MMP16: variants seen among roughly 807,000 people sequenced by gnomAD.
The protein encoded by MMP16 is matrix metalloproteinase-16.
In MMP16, 12 loss-of-function variants were observed where a neutral mutation model predicts 67.8. That is an observed-to-expected ratio of 0.18 (90% CI 0.11 to 0.29). The LOEUF (loss-of-function observed/expected upper bound fraction) is 0.29, where lower values mean the gene tolerates loss of function less well. Ranked by LOEUF, MMP16 falls within the 10% of genes least tolerant of loss-of-function variation. The pLI is 1.00. For missense variants in MMP16, 475 were observed against 765.7 expected (o/e 0.62, Z 4.48); for synonymous variants, 249 against 255.9 (o/e 0.97, Z 0.26).
At chr8:88,219,979 T>C (rs1809652520) in intron 1 of MMP16, among the ~76,000 whole-genome samples, 1 of 152,162 alleles carries the variant, frequency 6.6e-6, no homozygotes, top group Admixed American at 6.6e-5. Context: ...AATATATTTA[T>C]ACCGCCTTTA....
intron 4 of MMP16, among the ~76,000 whole-genome samples, chr8:88,122,181 T>C (rs1012270797): frequency 6.6e-6 from 1 of 152,088 alleles, no homozygotes; most frequent in Admixed American, 6.6e-5. Context: ...TTTCAATGAA[T>C]TACAGTTTCC....
chr8:88,166,513 G>GC (rs1213813455), intron 4 of MMP16, among the ~76,000 whole-genome samples: 1 of 150,850 alleles, frequency 6.6e-6, no homozygotes, highest in African/African-American at 2.4e-5. Context: ...CATAATTTTT[G>GC]CATATCAGAA....
intron 1 of MMP16, among the ~76,000 whole-genome samples, chr8:88,250,218 C>T (rs776817745): frequency 1.1e-4 from 16 of 151,962 alleles, no homozygotes; most frequent in Non-Finnish European, 2.4e-4. Flanking sequence ...TTTGCATGAT[C>T]CAGCCACCAG....
In MMP16 at chr8:88,074,712, C is replaced by T; in HGVS notation, c.1115G>A (p.Arg372Lys). The change falls in exon 7 of 10, where the codon AGG becomes AAG. Residue 372 changes from arginine (R) to lysine (K), a missense_variant. By Grantham distance (26) the Arg-to-Lys change is conservative. Coordinates refer to ENST00000286614, the MANE Select transcript of MMP16 (RefSeq NM_005941.5). The part of the protein sequence containing the change: ...DQWFWRVRNN[R>K]VMDGYPMQIT... ...TTGCATTGGGTATCCATCCATCACC[C>T]TGTTGTTTCTCACTCGCCAAAACCA... 6.2e-7 allele frequency: 1 copy of T among 1,613,196 alleles called. No homozygotes were observed. Among genetic ancestry groups the T allele is most frequent in the South Asian group, 1.1e-5 (1 of 91,006 alleles).
intron 7 of MMP16, among the ~76,000 whole-genome samples, chr8:88,061,127 T>TACACACACACACACAC (rs149547108): frequency 2.8e-5 from 4 of 143,068 alleles, no homozygotes; most frequent in African/African-American, 1.0e-4. Context: ...CTGAATATTA[T>TACACACACACACACAC]ACACACACAC....
At chr8:88,262,694 T>C (rs1319295494) in intron 1 of MMP16, among the ~76,000 whole-genome samples, 1 of 151,886 alleles carries the variant, frequency 6.6e-6, no homozygotes, top group Non-Finnish European at 1.5e-5. Context: ...TTGGCAATTT[T>C]GGAGTAAGTT....
chr8:88,153,652 T>A (rs1808452279), intron 4 of MMP16, among the ~76,000 whole-genome samples: 1 of 150,668 alleles, frequency 6.6e-6, no homozygotes, highest in African/African-American at 2.4e-5. Context: ...CTGGGAAAAC[T>A]GGCTAGCCAT....
At chr8:88,312,807 A>T (rs1811315572) in intron 1 of MMP16, among the ~76,000 whole-genome samples, 2 of 152,038 alleles carry the variant, frequency 1.3e-5, no homozygotes, top group Non-Finnish European at 2.9e-5. Flanking sequence ...CATCTCTACT[A>T]AGAATACAAA....
At chr8:88,232,949 T>A (rs776257781) in intron 1 of MMP16, among the ~76,000 whole-genome samples, 14 of 152,138 alleles carry the variant, frequency 9.2e-5, no homozygotes, top group Non-Finnish European at 2.1e-4. Context: ...CACAGTGTAG[T>A]GGATGAGAAG....
chr8:88,118,663 C>CT (rs1480454787), intron 5 of MMP16, 37 bp downstream of exon 5: 7 of 1,582,016 alleles, frequency 4.4e-6, no homozygotes, highest in African/African-American at 1.3e-5. Flanking sequence ...CTGGACTTCA[C>CT]TATCGGATTA....
In MMP16 at chr8:88,318,572, C is replaced by T. The variant is rs118148092; in HGVS notation, c.132+8503G>A. 4.6e-5 allele frequency among the ~76,000 whole-genome samples: 7 copies of T among 152,202 alleles called. No individual in the cohort carries two copies. The East Asian group carries it at 1.4e-3, about 29-fold the overall frequency. ...AAGTTAATTCTCACCTGTATTTATTCGTTTGGAAGCCTGGGTACGACAGTC... is the reference window on the plus strand; with the variant it reads ...AAGTTAATTCTCACCTGTATTTATTTGTTTGGAAGCCTGGGTACGACAGTC... On this transcript the variant is annotated intron_variant, in intron 1 of 9. Coordinates refer to ENST00000286614, the MANE Select transcript of MMP16 (RefSeq NM_005941.5).
intron 3 of MMP16, among the ~76,000 whole-genome samples, chr8:88,170,917 A>G (rs748474992): frequency 6.6e-6 from 1 of 152,210 alleles, no homozygotes; most frequent in Non-Finnish European, 1.5e-5. Context: ...GATAGAGACT[A>G]GGACTTGTGT....
In MMP16 at chr8:88,034,862, G is replaced by A. The variant is rs1458441709; in HGVS notation, c.*6599C>T. ...GCGACATACATTCATATAAAAGGTG[G>A]CAAGTACAAGCAGCACCATATCCTA... On this transcript the variant is annotated 3_prime_UTR_variant, in exon 10 of 10. Transcript: ENST00000286614. The A allele has an allele frequency of 6.6e-6, 1 of 151,930 alleles. No individual in the cohort carries two copies. Among genetic ancestry groups the A allele is most frequent in the Non-Finnish European group, 1.5e-5 (1 of 67,932 alleles). 9.4% of individuals were successfully genotyped at this position (151,930 alleles called of 1,614,324 possible). A position where few individuals can be genotyped will look rare whatever the true frequency, so the allele number is the denominator to read the frequency against.
intron 4 of MMP16, among the ~76,000 whole-genome samples, chr8:88,123,874 G>C (rs1016816674): frequency 1.3e-5 from 2 of 151,828 alleles, no homozygotes; most frequent in Admixed American, 1.3e-4. Flanking sequence ...GTATCTCAAA[G>C]TGCTCTCTCT....
intron 1 of MMP16, among the ~76,000 whole-genome samples, chr8:88,253,585 T>C (rs1344787493): frequency 6.6e-6 from 1 of 152,082 alleles, no homozygotes; most frequent in African/African-American, 2.4e-5. Flanking sequence ...CAAAAATATC[T>C]GACTGATGTG....
chr8:88,046,207 T>C (rs533023142), intron 9 of MMP16, among the ~76,000 whole-genome samples: 1 of 152,258 alleles, frequency 6.6e-6, no homozygotes, highest in East Asian at 1.9e-4. Context: ...TCTCACCATA[T>C]TGAGCTGGAA....
chr8:88,211,868 T>C (rs28904632), intron 1 of MMP16, among the ~76,000 whole-genome samples: 2,714 of 152,288 alleles, frequency 0.018, 34 homozygotes, highest in Non-Finnish European at 0.029. Context: ...CTTACCGAAA[T>C]GGTTGAAAAT....
chr8:88,145,425 G>A (rs894656241), intron 4 of MMP16, among the ~76,000 whole-genome samples: 1 of 151,824 alleles, frequency 6.6e-6, no homozygotes, highest in Non-Finnish European at 1.5e-5. Flanking sequence ...ATACAATTAT[G>A]TGTCACATGA....
chr8:88,258,484 T>C (rs1259432597), intron 1 of MMP16, among the ~76,000 whole-genome samples: 3 of 152,172 alleles, frequency 2.0e-5, no homozygotes, highest in Non-Finnish European at 4.4e-5. Context: ...TAAGCCCTCA[T>C]TCTCCCCTAA....
Sources: gnomAD v4.1 joint callset for allele counts (sites outside exome capture counted in the v4.1 genomes callset) on GRCh38, gnomAD v4.1.1 for gene constraint, MANE v1.5 for transcripts, NCBI Gene and HGNC (gene_info 2026-07-23, HGNC 2026-07-21) for gene names.